The following C2CD3 variants were observed in gnomAD, a reference collection of about 807,000 sequenced individuals.
C2CD3 encodes C2 domain containing 3 centriole elongation regulator.
Under a neutral mutation model 234.0 loss-of-function variants are expected in C2CD3, and 148 were observed. The observed-to-expected ratio is 0.63, with a 90% confidence interval of 0.55 to 0.72. C2CD3 has a LOEUF of 0.72. Among genes scored for constraint, C2CD3 ranks in the 30% least tolerant of loss-of-function variants. C2CD3 has a pLI of 0.00. For synonymous variants in C2CD3, 1,000 were observed against 1,035.4 expected (o/e 0.97, Z 0.66); for missense variants, 2,577 against 2,811.5 (o/e 0.92, Z 1.89).
chr11:74,077,049 C>A (rs961690387), intron 23 of C2CD3, among the ~76,000 whole-genome samples: 2 of 152,056 alleles, frequency 1.3e-5, no homozygotes, highest in Non-Finnish European at 2.9e-5. Flanking sequence ...GAAAGAAAAG[C>A]ACCCAGCACA....
At chr11:74,130,976 T>C (rs1329879241) in intron 7 of C2CD3, among the ~76,000 whole-genome samples, 1 of 151,944 alleles carries the variant, frequency 6.6e-6, no homozygotes, top group African/African-American at 2.4e-5. Flanking sequence ...TTTTTGATTT[T>C]TTATTTTTTT....
chr11:74,037,336 TAAAAA>T, intron 30 of C2CD3, 137 bp downstream of exon 30: 2 of 639,954 alleles, frequency 3.1e-6, no homozygotes, highest in Non-Finnish European at 5.4e-6. Flanking sequence ...GCAAGATGGT[TAAAAA>T]AAAAAAAAAA....
chr11:74,118,737 T>C (rs189104752), intron 8 of C2CD3, among the ~76,000 whole-genome samples: 9 of 152,278 alleles, frequency 5.9e-5, no homozygotes, highest in Non-Finnish European at 1.0e-4. Flanking sequence ...TACCTTTATG[T>C]CAGTTTTTAC....
intron 8 of C2CD3, among the ~76,000 whole-genome samples, chr11:74,119,498 C>T (rs540495957): frequency 6.6e-6 from 1 of 152,110 alleles, no homozygotes; most frequent in Admixed American, 6.5e-5. Context: ...AGGACACAAA[C>T]CCAAAGTTAT....
Position 74,090,949 on chromosome 11 carries a change from G to C in C2CD3, c.3518-13C>G, listed in dbSNP as rs1165549436. 6.2e-7 allele frequency: 1 copy of C among 1,612,890 alleles called. No individual in the cohort carries two copies. Among genetic ancestry groups the C allele is most frequent in the African/African-American group, 1.3e-5 (1 of 74,866 alleles). On this transcript the variant is annotated splice_polypyrimidine_tract_variant and intron_variant, in intron 19 of 32. Coordinates refer to ENST00000334126, the MANE Select transcript of C2CD3 (RefSeq NM_001286577.2). ...ACATCCAGTAAACCTGAAGAATGAG[G>C]ACACAAGGAAAGAAGGTTGGTCAGA...
intron 4 of C2CD3, among the ~76,000 whole-genome samples, 177 bp downstream of exon 4, chr11:74,139,428 T>C (rs1258788817): frequency 1.3e-5 from 2 of 152,196 alleles, no homozygotes; most frequent in African/African-American, 4.8e-5. Flanking sequence ...TACTTATTTC[T>C]AGGCCCAGCA....
Position 74,090,871 on chromosome 11 carries a change from G to A in C2CD3, c.3583C>T (p.Arg1195Ter). 1.2e-6 allele frequency: 2 copies of A among 1,614,024 alleles called. No individual in the cohort carries two copies. The highest frequency in any genetic ancestry group is 1.7e-6 in the Non-Finnish European group (2 of 1,179,960). Reference sequence around the variant, plus strand: ...ATCTGGACTGAGATGGAAACAGTTCGGGCAGCAAGAACTCCCTCTGCTGTT... The same window carrying A: ...ATCTGGACTGAGATGGAAACAGTTCAGGCAGCAAGAACTCCCTCTGCTGTT... ...PRTAEGVLAA[R>*]TVSISVQIIR... Residue 1195 changes from arginine to a stop codon, truncating the protein, a stop_gained, in exon 20 of 33, where the codon CGA (arginine) becomes TGA (stop). Transcript: ENST00000334126. LOFTEE classifies it high-confidence loss of function.
chr11:74,115,170 T>A (rs1253064610), intron 9 of C2CD3, among the ~76,000 whole-genome samples: 2 of 150,992 alleles, frequency 1.3e-5, no homozygotes, highest in African/African-American at 2.4e-5. Context: ...AAAAAAAAAA[T>A]TTAAAAATAC....
chr11:74,081,521 G>C (rs1955358738), intron 22 of C2CD3, among the ~76,000 whole-genome samples: 1 of 152,120 alleles, frequency 6.6e-6, no homozygotes. Context: ...ATCCTTACCT[G>C]TCAGGGTTAT....
At chr11:74,043,405 G>C (rs11822938) in intron 28 of C2CD3, among the ~76,000 whole-genome samples, 9 of 152,262 alleles carry the variant, frequency 5.9e-5, no homozygotes, top group Non-Finnish European at 1.3e-4. Context: ...GGCATGAGTT[G>C]CTTCTACTTT....
At chr11:74,122,050 T>TC (rs1225491770) in intron 8 of C2CD3, among the ~76,000 whole-genome samples, 3 of 152,218 alleles carry the variant, frequency 2.0e-5, no homozygotes, top group African/African-American at 7.2e-5. Flanking sequence ...ATATGTGATT[T>TC]CCTCTTCACC....
rs532414660 is a variant in C2CD3 at position 74,062,552 on chromosome 11, A to C, written c.4952-5008T>G. Among the ~76,000 whole-genome samples the C allele has an allele frequency of 2.2e-3, 341 of 152,314 alleles. 2 individuals are homozygous for C. Among genetic ancestry groups the C allele is most frequent in the Non-Finnish European group, 3.6e-3 (245 of 68,032 alleles). Reference sequence around the variant, plus strand: ...GGGTACATAACGAAATGAAGGCAGAAATAAAGATGTTCTTTGAAACCAATG... The same window carrying C: ...GGGTACATAACGAAATGAAGGCAGACATAAAGATGTTCTTTGAAACCAATG... On this transcript the variant is annotated intron_variant, in intron 24 of 32. Transcript: ENST00000334126.
chr11:74,061,949 CA>C (rs920353923), intron 24 of C2CD3, among the ~76,000 whole-genome samples: 9 of 148,688 alleles, frequency 6.1e-5, no homozygotes, highest in African/African-American at 1.5e-4. Flanking sequence ...AAATGGAAAA[CA>C]AAAAAAAAGC....
At chr11:74,022,625 C>T (rs926440227) in intron 32 of C2CD3, among the ~76,000 whole-genome samples, 7 of 151,860 alleles carry the variant, frequency 4.6e-5, no homozygotes, top group African/African-American at 1.4e-4. Context: ...CCGTTCTCAT[C>T]GTCAACCTCT....
At chr11:74,045,998 C>A (rs918687743) in intron 28 of C2CD3, among the ~76,000 whole-genome samples, 1 of 152,116 alleles carries the variant, frequency 6.6e-6, no homozygotes, top group African/African-American at 2.4e-5. Context: ...CCCACATAAA[C>A]CCGTTTGGGT....
intron 32 of C2CD3, among the ~76,000 whole-genome samples, chr11:74,015,349 C>T (rs111845753): frequency 2.0e-5 from 3 of 152,354 alleles, no homozygotes; most frequent in African/African-American, 7.2e-5. Context: ...TGTTGTCCTA[C>T]CATATGCCAG....
Position 74,093,935 on chromosome 11 carries a change from A to G in C2CD3, c.3225T>C (p.Ser1075=), listed in dbSNP as rs751468913. 6.2e-7 allele frequency: 1 copy of G among 1,614,084 alleles called. No homozygotes were observed. The highest frequency in any genetic ancestry group is 1.1e-5 in the South Asian group (1 of 91,080). Residue 1075 remains serine, a synonymous_variant, in exon 18 of 33, where the codon AGT becomes AGC. Coordinates refer to ENST00000334126, the MANE Select transcript of C2CD3 (RefSeq NM_001286577.2). ...TLCVPDPIFN[S]EHHHSLLLPA... ...GCAACAGGAGAGAGTGATGGTGTTC[A>G]CTATTAAAGATGGGATCTGGAACAC... is the stretch of plus-strand genomic sequence containing the variant.
At chr11:74,017,477 A>G (rs1726760) in intron 32 of C2CD3, among the ~76,000 whole-genome samples, 11,893 of 152,246 alleles carry the variant, frequency 0.078, 1,454 homozygotes, top group African/African-American at 0.26. Context: ...GCTAAAGATC[A>G]GACTTTGCTG....
At chr11:74,157,353 T>C (rs988753314) in intron 3 of C2CD3, among the ~76,000 whole-genome samples, 2 of 152,210 alleles carry the variant, frequency 1.3e-5, no homozygotes, top group Admixed American at 1.3e-4. Flanking sequence ...CATGTGGCTT[T>C]TGAAACATAA....
Sources: gnomAD v4.1 joint callset for allele counts (sites outside exome capture counted in the v4.1 genomes callset) on GRCh38, gnomAD v4.1.1 for gene constraint, MANE v1.5 for transcripts, NCBI Gene and HGNC (gene_info 2026-07-23, HGNC 2026-07-21) for gene names.